The following FHIP2A variants were observed in gnomAD, a reference collection of about 807,000 sequenced individuals.
The protein encoded by FHIP2A is FHF complex subunit HOOK interacting protein 2A.
In FHIP2A, 46 loss-of-function variants were observed where a neutral mutation model predicts 93.5. That is an observed-to-expected ratio of 0.49 (90% confidence interval 0.39 to 0.63). The LOEUF (loss-of-function observed/expected upper bound fraction) is 0.63, where lower values mean the gene tolerates loss of function less well. Among genes scored for constraint, FHIP2A ranks in the 20% least tolerant of loss-of-function variants. The pLI, the probability that FHIP2A is intolerant of heterozygous loss-of-function variation, is 0.00. For missense variants in FHIP2A, 769 were observed against 909.7 expected, an observed-to-expected ratio of 0.85 and a Z score of 1.99; for synonymous variants, 332 against 326.5, an observed-to-expected ratio of 1.02 and a Z score of -0.18.
intron 16 of FHIP2A, among the ~76,000 whole-genome samples, chr10:114,890,320 G>A (rs916849612): frequency 3.3e-5 from 5 of 151,970 alleles, no homozygotes; most frequent in African/African-American, 4.8e-5. Context: ...GAGGCACCAT[G>A]CCCAGCCTAA....
rs958765982 is a variant in FHIP2A, at chr10:114,864,018, T to C, written c.*2478T>C. The C allele has an allele frequency of 1.0e-6, 1 of 998,508 alleles. No homozygotes were observed. Among genetic ancestry groups the C allele is most frequent in the Non-Finnish European group, 1.2e-6 (1 of 838,156 alleles). 61.9% of individuals were successfully genotyped at this position (998,508 alleles called of 1,614,324 possible). On this transcript the variant is annotated 3_prime_UTR_variant, in exon 17 of 17. Coordinates refer to ENST00000369248, the MANE Select transcript of FHIP2A (RefSeq NM_020940.4). ...ATATAGTACTCACCTTATAACTATG[T>C]AACTTTCTCGTAATGTATCTGTTTG...
intron 14 of FHIP2A, among the ~76,000 whole-genome samples, chr10:114,859,330 C>T (rs1373771496): frequency 6.6e-6 from 1 of 152,196 alleles, no homozygotes; most frequent in Non-Finnish European, 1.5e-5. Context: ...AAGTCTGTAG[C>T]AGAACTGGCG....
At chr10:114,872,978 G>A (rs924424873) in intron 16 of FHIP2A, among the ~76,000 whole-genome samples, 1 of 152,208 alleles carries the variant, frequency 6.6e-6, no homozygotes, top group Non-Finnish European at 1.5e-5. Context: ...TTGGGTGTTG[G>A]GGGGTGGAAT....
At position 114,858,736 on chromosome 10, in the gene FHIP2A, G is replaced by A. The variant is rs118081423; in HGVS notation, c.1948-2013G>A. Among the ~76,000 whole-genome samples the A allele has an allele frequency of 4.0e-3, 607 of 152,184 alleles. 10 individuals are homozygous for A. In the East Asian group the frequency reaches 0.055, roughly 14 times the overall value. ...GTTGCAAATATTATCAAGGGAGGAG[G>A]AATGGAGAGAAGTTGGTTAATGAGT... On this transcript the variant is annotated intron_variant, in intron 14 of 16. Transcript: ENST00000369248.
chr10:114,836,566 A>G (rs1315625350), intron 5 of FHIP2A, among the ~76,000 whole-genome samples: 4 of 152,360 alleles, frequency 2.6e-5, no homozygotes, highest in African/African-American at 9.6e-5. Flanking sequence ...TTTTCAGCCA[A>G]GCTTGCCCTA....
rs1432364412 is a variant in FHIP2A, at chr10:114,835,539, T to C, written c.297T>C (p.Cys99=). 4 of 1,602,600 alleles carry C rather than the reference T, an allele frequency of 2.5e-6. No homozygotes were observed. The highest frequency in any genetic ancestry group is 3.4e-6 in the Non-Finnish European group (4 of 1,170,280). Residue 99 remains cysteine (C), a splice_region_variant and synonymous_variant, in exon 4 of 17, where the codon TGT becomes TGC. Coordinates refer to ENST00000369248, the MANE Select transcript of FHIP2A (RefSeq NM_020940.4). ...GCTTCCTTTTTTCCTATACCCAGTG[T>C]CCTCCGGGAATGAAACAGCAGGTTT... The part of the protein sequence containing the change: ...ETLYTLGKAD[C]PPGMKQQVLV...
chr10:114,860,135 T>C (rs569467899), intron 14 of FHIP2A, among the ~76,000 whole-genome samples: 1 of 152,230 alleles, frequency 6.6e-6, no homozygotes, highest in African/African-American at 2.4e-5. Flanking sequence ...GGTGCTTTTT[T>C]ATGACCCCTT....
chr10:114,843,227 G>T lies in FHIP2A; in HGVS notation c.816+1G>T. On this transcript the variant is annotated splice_donor_variant, in intron 6 of 16. Coordinates refer to ENST00000369248, the MANE Select transcript of FHIP2A (RefSeq NM_020940.4). LOFTEE classifies it high-confidence loss of function. ...TTTGTTAAATCTTACTAGAAGTCCT[G>T]TGAGTTATGGTCCTTACTTTTTCCC... The T allele has an allele frequency of 6.2e-7, 1 of 1,603,392 alleles. No homozygotes were observed. The highest frequency in any genetic ancestry group is 8.5e-7 in the Non-Finnish European group (1 of 1,171,762).
At chr10:114,884,346 A>C (rs995356018) in intron 16 of FHIP2A, among the ~76,000 whole-genome samples, 1 of 152,228 alleles carries the variant, frequency 6.6e-6, no homozygotes, top group Non-Finnish European at 1.5e-5. Context: ...TTAGAAGAAC[A>C]CAGTGTGGTA....
chr10:114,889,219 G>A (rs150814475), intron 16 of FHIP2A, among the ~76,000 whole-genome samples: 3 of 152,254 alleles, frequency 2.0e-5, no homozygotes, highest in African/African-American at 7.2e-5. Context: ...AGGACAAATA[G>A]TTTGGAGATG....
chr10:114,888,527 C>G (rs1030468625), intron 16 of FHIP2A, among the ~76,000 whole-genome samples: 3 of 152,156 alleles, frequency 2.0e-5, no homozygotes, highest in Non-Finnish European at 4.4e-5. Flanking sequence ...CGTAAGATAC[C>G]GTTCAAGGTA....
intron 6 of FHIP2A, 66 bp from the exon 7 acceptor site, chr10:114,843,674 GA>G (rs1339277003): frequency 1.5e-5 from 18 of 1,185,806 alleles, no homozygotes; most frequent in Non-Finnish European, 2.0e-5. Flanking sequence ...CTTTTATGTT[GA>G]ATGTTTTCAA....
intron 14 of FHIP2A, among the ~76,000 whole-genome samples, chr10:114,859,107 C>T (rs1304775063): frequency 6.6e-6 from 1 of 151,712 alleles, no homozygotes; most frequent in East Asian, 1.9e-4. Flanking sequence ...TTTCAATTAC[C>T]TTGCTTACAG....
At chr10:114,844,841 G>A (rs961818946) in intron 7 of FHIP2A, among the ~76,000 whole-genome samples, 30 of 152,238 alleles carry the variant, frequency 2.0e-4, no homozygotes, top group African/African-American at 6.7e-4. Context: ...CTGGAGTGCA[G>A]TGAAGCAATC....
chr10:114,876,365 C>T (rs772143886), intron 16 of FHIP2A, among the ~76,000 whole-genome samples: 1 of 152,212 alleles, frequency 6.6e-6, no homozygotes, highest in Non-Finnish European at 1.5e-5. Flanking sequence ...CCCCTCATCG[C>T]CCGCAACAGG....
chr10:114,873,043 C>T (rs745695019), intron 16 of FHIP2A, among the ~76,000 whole-genome samples: 4 of 152,140 alleles, frequency 2.6e-5, no homozygotes, highest in Non-Finnish European at 5.9e-5. Context: ...GAAGCAGCAC[C>T]ACCTCTAAAG....
intron 16 of FHIP2A, among the ~76,000 whole-genome samples, chr10:114,871,598 C>T (rs1284146141): frequency 1.3e-5 from 2 of 152,164 alleles, no homozygotes; most frequent in Non-Finnish European, 2.9e-5. Context: ...ATGAAATTCC[C>T]TCTGCAGAAA....
intron 13 of FHIP2A, among the ~76,000 whole-genome samples, chr10:114,851,070 T>C (rs1488134590): frequency 6.6e-6 from 1 of 152,116 alleles, no homozygotes; most frequent in Non-Finnish European, 1.5e-5. Context: ...TGTGCCACCA[T>C]GCCAAACTAA....
chr10:114,861,390 G>A (rs754243247), intron 16 of FHIP2A, 45 bp from the exon 17 acceptor site: 40 of 1,613,578 alleles, frequency 2.5e-5, no homozygotes, highest in African/African-American at 1.5e-4. Context: ...CTTAATGATC[G>A]GCTGCTATCT....
Sources: allele counts gnomAD v4.1 joint callset (sites outside exome capture counted in the v4.1 genomes callset), GRCh38; gene constraint gnomAD v4.1.1; transcripts MANE v1.5; gene names NCBI Gene and HGNC (gene_info 2026-07-23, HGNC 2026-07-21).